DAG1: variants seen among roughly 807,000 people sequenced by gnomAD.
The protein encoded by DAG1 is dystroglycan 1, also known as dystroglycan 1 (dystrophin-associated glycoprotein 1).
Under a neutral mutation model 46.1 loss-of-function variants are expected in DAG1, and 8 were observed. That is an observed-to-expected ratio of 0.17 (90% confidence interval 0.10 to 0.31). DAG1 has a LOEUF of 0.31. Among genes scored for constraint, DAG1 ranks in the 10% least tolerant of loss-of-function variants. DAG1 has a pLI of 1.00. For synonymous variants in DAG1, 495 were observed against 481.8 expected, an observed-to-expected ratio of 1.03 and a Z score of -0.36; for missense variants, 1,003 against 1,189.9, an observed-to-expected ratio of 0.84 and a Z score of 2.31.
At chr3:49,502,418 G>T (rs1051078069) in intron 1 of DAG1, among the ~76,000 whole-genome samples, 2 of 152,090 alleles carry the variant, frequency 1.3e-5, no homozygotes, top group African/African-American at 4.8e-5. Context: ...AGCCTGTGGT[G>T]GGCAAAAGTG....
chr3:49,527,270 A>T (rs1306908949), intron 2 of DAG1, among the ~76,000 whole-genome samples: 1 of 152,046 alleles, frequency 6.6e-6, no homozygotes, highest in African/African-American at 2.4e-5. Context: ...CACGCCTGTA[A>T]TCCCAGCACT....
chr3:49,500,203 G>A (rs538190863), intron 1 of DAG1, among the ~76,000 whole-genome samples: 28 of 152,098 alleles, frequency 1.8e-4, no homozygotes, highest in African/African-American at 5.8e-4. Flanking sequence ...AGTAGAGATG[G>A]GGTTTCACCA....
At chr3:49,480,769 T>G (rs2049855824) in intron 1 of DAG1, among the ~76,000 whole-genome samples, 1 of 129,292 alleles carries the variant, frequency 7.7e-6, no homozygotes, top group South Asian at 2.3e-4. Context: ...TTTTTTTTTT[T>G]TTTTTTTTTT....
rs1300488799 is a variant in DAG1 at position 49,533,891 on chromosome 3, C to G, written c.*692C>G. ...TACCCCAGAGCCTGATTGGGGGCCT[C>G]CCGGCCCTGGCTCACGCCAAGTCCC... On this transcript the variant is annotated 3_prime_UTR_variant, in exon 3 of 3. Coordinates refer to ENST00000308775, the MANE Select transcript of DAG1 (RefSeq NM_004393.6). 6.0e-6 allele frequency: 1 copy of G among 167,250 alleles called. No individual in the cohort carries two copies. Among genetic ancestry groups the G allele is most frequent in the Non-Finnish European group, 1.3e-5 (1 of 77,090 alleles). The allele number at this position is 167,250 out of a possible 1,614,324, so 10.4% of individuals were successfully genotyped here.
intron 1 of DAG1, among the ~76,000 whole-genome samples, chr3:49,497,757 A>G: frequency 6.6e-6 from 1 of 152,244 alleles, no homozygotes. Flanking sequence ...GGAATGTAGA[A>G]GGAATTCTTT....
At chr3:49,516,786 T>C (rs2050908368) in intron 2 of DAG1, among the ~76,000 whole-genome samples, 1 of 152,184 alleles carries the variant, frequency 6.6e-6, no homozygotes, top group Admixed American at 6.5e-5. Context: ...AGGAGCCTGA[T>C]TCCTTTTTGT....
chr3:49,525,435 A>C (rs1344207451), intron 2 of DAG1, among the ~76,000 whole-genome samples: 1 of 152,212 alleles, frequency 6.6e-6, no homozygotes, highest in Non-Finnish European at 1.5e-5. Context: ...TATACAGGGA[A>C]TATAGTGGCT....
chr3:49,472,699 C>T (rs964938153), intron 1 of DAG1, among the ~76,000 whole-genome samples: 21 of 152,192 alleles, frequency 1.4e-4, no homozygotes, highest in African/African-American at 4.8e-4. Flanking sequence ...CCCAGCTACT[C>T]AGGAGGCTGA....
chr3:49,481,050 C>A (rs1429809754), intron 1 of DAG1, among the ~76,000 whole-genome samples: 2 of 148,146 alleles, frequency 1.4e-5, no homozygotes, highest in African/African-American at 4.9e-5. Flanking sequence ...CGTGAGCCAC[C>A]ACGCCCGGCC....
intron 1 of DAG1, among the ~76,000 whole-genome samples, chr3:49,497,890 C>T (rs190107747): frequency 6.6e-6 from 1 of 152,182 alleles, no homozygotes; most frequent in African/African-American, 2.4e-5. Flanking sequence ...CATGTCTGCA[C>T]CTGGGTGGAT....
chr3:49,490,838 G>T (rs1468397601), intron 1 of DAG1, among the ~76,000 whole-genome samples: 1 of 150,344 alleles, frequency 6.7e-6, no homozygotes, highest in Non-Finnish European at 1.5e-5. Context: ...CCAAAGTGCT[G>T]GGATTACAGA....
chr3:49,501,628 A>T (rs1222619757), intron 1 of DAG1, among the ~76,000 whole-genome samples: 1 of 152,198 alleles, frequency 6.6e-6, no homozygotes. Flanking sequence ...CCTGGCCAAC[A>T]TGGCGAAACT....
Position 49,531,590 on chromosome 3 carries a change from A to G in DAG1, c.1079A>G (p.Asp360Gly). 6.2e-7 allele frequency: 1 copy of G among 1,612,746 alleles called. No individual in the cohort carries two copies. The highest frequency in any genetic ancestry group is 1.1e-5 in the South Asian group (1 of 91,042). The change falls in exon 3 of 3, where the codon GAT becomes GGT. Residue 360 changes from aspartate (D) to glycine (G), a missense_variant. Asp to Gly is a moderately conservative substitution (Grantham distance 94, BLOSUM62 -1). Transcript: ENST00000308775. The surrounding 1 kb of genome is among the most constrained non-coding windows in gnomAD (Gnocchi z 7.0). ...PTETMAPPVR[D>G]PVPGKPTVTI... ...GAGACCATGGCTCCTCCAGTCAGGG[A>G]TCCTGTTCCTGGGAAACCCACGGTC...
chr3:49,512,707 C>T (rs2050796531), intron 2 of DAG1, among the ~76,000 whole-genome samples: 1 of 151,154 alleles, frequency 6.6e-6, no homozygotes, highest in Non-Finnish European at 1.5e-5. Context: ...ATGACTTACA[C>T]CTGTAATCCT....
chr3:49,524,537 G>A (rs1049820001), intron 2 of DAG1, among the ~76,000 whole-genome samples: 3 of 152,062 alleles, frequency 2.0e-5, no homozygotes, highest in Non-Finnish European at 4.4e-5. Flanking sequence ...GGCCAGGCCT[G>A]GTTGTACACA....
chr3:49,488,756 C>T (rs974573105), intron 1 of DAG1: 3 of 152,112 alleles, frequency 2.0e-5, no homozygotes, highest in African/African-American at 7.2e-5. Context: ...GTGCGTGCCA[C>T]TATGACCATC....
intron 2 of DAG1, among the ~76,000 whole-genome samples, chr3:49,520,306 G>T (rs1392674146): frequency 2.0e-5 from 3 of 152,228 alleles, no homozygotes; most frequent in Non-Finnish European, 4.4e-5. Context: ...CTGAGTGTGA[G>T]TCAGCACCAA....
intron 1 of DAG1, among the ~76,000 whole-genome samples, chr3:49,482,509 C>T (rs963135182): frequency 6.6e-6 from 1 of 152,154 alleles, no homozygotes; most frequent in African/African-American, 2.4e-5. Context: ...GACATGTTTG[C>T]AGCAATGCTG....
intron 1 of DAG1, among the ~76,000 whole-genome samples, chr3:49,483,434 C>T (rs902698957): frequency 6.6e-6 from 1 of 151,978 alleles, no homozygotes; most frequent in Non-Finnish European, 1.5e-5. Context: ...CAAACTGCGA[C>T]CTCAGATGAT....
Sources: gnomAD v4.1 joint callset for allele counts (sites outside exome capture counted in the v4.1 genomes callset) on GRCh38, gnomAD v4.1.1 for gene constraint, Gnocchi (gnomAD v3.1) non-coding constraint, MANE v1.5 for transcripts, NCBI Gene and HGNC (gene_info 2026-07-23, HGNC 2026-07-21) for gene names.